VPS54: variants seen among roughly 807,000 people sequenced by gnomAD.
VPS54 encodes the protein vacuolar protein sorting-associated protein 54.
In VPS54, 45 loss-of-function variants were observed where a neutral mutation model predicts 121.5. The observed-to-expected ratio is 0.37, with a 90% confidence interval of 0.29 to 0.47. The LOEUF (loss-of-function observed/expected upper bound fraction) is 0.47. Among genes scored for constraint, VPS54 ranks in the 20% least tolerant of loss-of-function variants. The pLI is 0.99. For synonymous variants in VPS54, 371 were observed against 385.8 expected (o/e 0.96, Z 0.45); for missense variants, 1,090 against 1,131.4 (o/e 0.96, Z 0.52).
At chr2:63,958,165 G>C (rs1345072159) in intron 7 of VPS54, among the ~76,000 whole-genome samples, 2 of 152,038 alleles carry the variant, frequency 1.3e-5, no homozygotes, top group Non-Finnish European at 2.9e-5. Flanking sequence ...AAGCCCAATA[G>C]AAAGATTTAA....
In VPS54 at chr2:63,983,857, G is replaced by T; in HGVS notation, c.136+7C>A. 6.4e-7 allele frequency: 1 copy of T among 1,573,238 alleles called. No individual in the cohort carries two copies. The highest frequency in any genetic ancestry group is 8.6e-7 in the Non-Finnish European group (1 of 1,162,350). On this transcript the variant is annotated splice_region_variant and intron_variant, in intron 2 of 22. Coordinates refer to ENST00000272322, the MANE Select transcript of VPS54 (RefSeq NM_016516.3). The stretch of plus-strand genomic sequence containing the variant: ...AGTAAAAATCCTACAAAAAAAAAAA[G>T]CATTACCTGTGGGTTCCTTGGGACA...
At chr2:63,986,024 C>T (rs1051368284) in intron 1 of VPS54, among the ~76,000 whole-genome samples, 2 of 152,120 alleles carry the variant, frequency 1.3e-5, no homozygotes, top group African/African-American at 4.8e-5. Context: ...TAAGATTGAC[C>T]ATGTTAACTT....
At chr2:63,967,338 T>G (rs1195309736) in intron 5 of VPS54, among the ~76,000 whole-genome samples, 2 of 152,158 alleles carry the variant, frequency 1.3e-5, no homozygotes, top group Middle Eastern at 3.2e-3. Flanking sequence ...CTACTTCTGA[T>G]GCTAGGCACT....
chr2:63,978,598 A>G (rs890047228), intron 3 of VPS54, among the ~76,000 whole-genome samples: 8 of 152,092 alleles, frequency 5.3e-5, no homozygotes, highest in African/African-American at 1.7e-4. Flanking sequence ...AATAAATATA[A>G]AGCTATTTCA....
chr2:63,968,858 AG>A, intron 5 of VPS54, 98 bp downstream of exon 5: 1 of 992,096 alleles, frequency 1.0e-6, no homozygotes, highest in Non-Finnish European at 1.5e-6. Flanking sequence ...AAGTAGCCAA[AG>A]GGTCAAAAAA....
intron 12 of VPS54, among the ~76,000 whole-genome samples, chr2:63,927,137 G>T (rs1199623046): frequency 1.3e-5 from 2 of 152,176 alleles, no homozygotes; most frequent in African/African-American, 4.8e-5. Flanking sequence ...CTGCCTGAGA[G>T]CTCTGAAGAG....
chr2:63,945,044 C>A (rs1388551415), intron 9 of VPS54, among the ~76,000 whole-genome samples: 3 of 152,134 alleles, frequency 2.0e-5, no homozygotes, highest in Non-Finnish European at 4.4e-5. Flanking sequence ...TGGTTACATA[C>A]CCAGAGGAAT....
In VPS54 at chr2:63,943,727, C is replaced by CTTTCTTTCTTTCT. The variant is rs34858643; in HGVS notation, c.1301+872_1301+873insAGAAAGAAAGAAA. On this transcript the variant is annotated intron_variant, in intron 10 of 22. Transcript: ENST00000272322. The stretch of plus-strand genomic sequence containing the variant: ...TTTTCTTTTCTTTCTTTCTTTCTTT[C>CTTTCTTTCTTTCT]TTTTTTTTTTTTTTTGAGACAGGCT... Among the ~76,000 whole-genome samples the CTTTCTTTCTTTCT allele has an allele frequency of 7.2e-3, 931 of 129,596 alleles. 6 individuals are homozygous for CTTTCTTTCTTTCT. Among genetic ancestry groups the CTTTCTTTCTTTCT allele is most frequent in the South Asian group, 0.022 (88 of 4,060 alleles). 85.0% of individuals were successfully genotyped at this position (129,596 alleles called of 152,430 possible). A position where few individuals can be genotyped will look rare whatever the true frequency, so the allele number is the denominator to read the frequency against.
intron 11 of VPS54, among the ~76,000 whole-genome samples, chr2:63,938,968 A>G (rs1674592418): frequency 6.6e-6 from 1 of 152,270 alleles, no homozygotes; most frequent in Non-Finnish European, 1.5e-5. Context: ...TACAAATAAC[A>G]GCAACAGATC....
chr2:63,962,119 C>G lies in VPS54; in HGVS notation c.949G>C (p.Asp317His). Residue 317 changes from aspartate (D) to histidine (H), a missense_variant, in exon 7 of 23, where the codon GAC becomes CAC. By Grantham distance (81) the Asp-to-His change is moderately conservative. Around this residue, in one of 2 missense-constraint regions of VPS54, gnomAD observed 801 missense variants for 757.0 expected, o/e 1.06. Coordinates refer to ENST00000272322, the MANE Select transcript of VPS54 (RefSeq NM_016516.3). ...LSTSEFVGALDLIATTQEVLQ... is the reference protein window; with the variant it reads ...LSTSEFVGALHLIATTQEVLQ... ...ACCTCTTGTGTTGTTGCTATTAAGT[C>G]CAATGCTCCAACAAATTCAGAAGTA... 6.2e-7 allele frequency: 1 copy of G among 1,607,212 alleles called. No homozygotes were observed. The highest frequency in any genetic ancestry group is 8.5e-7 in the Non-Finnish European group (1 of 1,174,166).
intron 15 of VPS54, among the ~76,000 whole-genome samples, chr2:63,917,889 A>C (rs1330898709): frequency 6.6e-6 from 1 of 151,990 alleles, no homozygotes. Context: ...TAGTTTCTAA[A>C]TTTGTAAAAT....
At chr2:64,004,825 C>T (rs1236634889) in intron 1 of VPS54, among the ~76,000 whole-genome samples, 2 of 152,184 alleles carry the variant, frequency 1.3e-5, no homozygotes, top group Non-Finnish European at 2.9e-5. Context: ...GTCACCCAGG[C>T]TGGAGTGCAG....
intron 2 of VPS54, 65 bp from the exon 3 acceptor site, chr2:63,981,952 C>T (rs1676819983): frequency 2.7e-6 from 4 of 1,490,750 alleles, no homozygotes; most frequent in South Asian, 2.8e-5. Context: ...TGAAAGTACA[C>T]ACTAGAAAAC....
intron 1 of VPS54, among the ~76,000 whole-genome samples, chr2:63,990,621 C>T (rs920856082): frequency 1.3e-5 from 2 of 150,522 alleles, no homozygotes; most frequent in Non-Finnish European, 3.0e-5. Flanking sequence ...CTGGTCCGAC[C>T]CCCTCAACCT....
chr2:63,929,694 A>G (rs1674090013), intron 12 of VPS54, among the ~76,000 whole-genome samples: 1 of 146,454 alleles, frequency 6.8e-6, no homozygotes, highest in Non-Finnish European at 1.5e-5. Flanking sequence ...ACAGAGACAT[A>G]AAAAACCCTT....
intron 2 of VPS54, among the ~76,000 whole-genome samples, chr2:63,982,571 T>G (rs746430436): frequency 1.3e-5 from 2 of 152,208 alleles, no homozygotes; most frequent in Non-Finnish European, 2.9e-5. Flanking sequence ...GACGCCTTAT[T>G]CAGTATACAT....
chr2:63,965,272 C>T (rs886395270), intron 6 of VPS54, among the ~76,000 whole-genome samples: 2 of 151,928 alleles, frequency 1.3e-5, no homozygotes, highest in East Asian at 1.9e-4. Context: ...GTCAGGAGTT[C>T]GAGACCAGCC....
At chr2:63,956,024 T>A (rs535773780) in intron 7 of VPS54, among the ~76,000 whole-genome samples, 1 of 152,282 alleles carries the variant, frequency 6.6e-6, no homozygotes, top group African/African-American at 2.4e-5. Context: ...ACTTTCTACT[T>A]AGATATGCCT....
intron 20 of VPS54, among the ~76,000 whole-genome samples, chr2:63,904,488 A>G (rs1672824938): frequency 6.6e-6 from 1 of 150,724 alleles, no homozygotes; most frequent in Non-Finnish European, 1.5e-5. Flanking sequence ...ATAAATATTA[A>G]GAAAACATAG....
Sources: allele counts gnomAD v4.1 joint callset (sites outside exome capture counted in the v4.1 genomes callset), GRCh38; gene constraint gnomAD v4.1.1; regional missense constraint gnomAD v4.1.1; transcripts MANE v1.5; gene names NCBI Gene and HGNC (gene_info 2026-07-23, HGNC 2026-07-21).